LRRC69: variants seen among roughly 807,000 people sequenced by gnomAD.
The protein encoded by LRRC69 is leucine-rich repeat-containing protein 69.
LRRC69 carries 42 observed loss-of-function variants against 37.8 expected under a neutral mutation model. That is an observed-to-expected ratio of 1.11 (90% CI 0.87 to 1.44). The LOEUF is 1.44. Ranked by LOEUF, LRRC69 falls within the 40% of genes most tolerant of loss-of-function variation. The pLI, the probability that LRRC69 is intolerant of heterozygous loss-of-function variation, is 0.00. For missense variants in LRRC69, 357 were observed against 401.9 expected (o/e 0.89, Z 0.96); for synonymous variants, 141 against 143.1 (o/e 0.99, Z 0.11).
At chr8:91,123,464 A>G (rs1813664282) in intron 1 of LRRC69, among the ~76,000 whole-genome samples, 1 of 152,042 alleles carries the variant, frequency 6.6e-6, no homozygotes, top group Non-Finnish European at 1.5e-5. Flanking sequence ...TAGGATGAGA[A>G]ATTTCATTTT....
chr8:91,187,662 C>G (rs1355292789), intron 5 of LRRC69, among the ~76,000 whole-genome samples: 1 of 152,150 alleles, frequency 6.6e-6, no homozygotes, highest in Non-Finnish European at 1.5e-5. Flanking sequence ...TTCTTCCTGT[C>G]TTCATTCATA....
intron 7 of LRRC69, among the ~76,000 whole-genome samples, chr8:91,208,293 A>T (rs1809841597): frequency 6.6e-6 from 1 of 152,104 alleles, no homozygotes; most frequent in Admixed American, 6.6e-5. Flanking sequence ...GGTGATGTGG[A>T]TTTAAAAATT....
intron 5 of LRRC69, among the ~76,000 whole-genome samples, chr8:91,152,483 C>G (rs1041758342): frequency 1.3e-5 from 2 of 151,592 alleles, no homozygotes; most frequent in Non-Finnish European, 2.9e-5. Context: ...TTCCCTTGGT[C>G]TAAGTGTCTG....
chr8:91,158,720 T>C (rs35917953), intron 5 of LRRC69: 72,732 of 1,075,914 alleles, frequency 0.068, 3,120 homozygotes, highest in Middle Eastern at 0.13. Flanking sequence ...CCACTTACAT[T>C]GTTCTACAAA....
At chr8:91,110,818 A>G (rs1813395573) in intron 1 of LRRC69, among the ~76,000 whole-genome samples, 2 of 152,228 alleles carry the variant, frequency 1.3e-5, no homozygotes, top group South Asian at 2.1e-4. Context: ...TATGCACTAC[A>G]TTGAACTGAA....
chr8:91,200,703 A>G (rs1406410488), exon 7 of LRRC69: 13 of 1,535,096 alleles, frequency 8.5e-6, no homozygotes, highest in African/African-American at 4.2e-5. Context: ...AGTCAGGAGC[A>G]TGATCTCTCA....
At chr8:91,179,091 G>A (rs1809281607) in intron 5 of LRRC69, among the ~76,000 whole-genome samples, 1 of 152,148 alleles carries the variant, frequency 6.6e-6, no homozygotes, top group Admixed American at 6.5e-5. Flanking sequence ...TTGAACCCAG[G>A]TCTAGCTAAC....
chr8:91,188,919 G>C (rs1408261598), intron 5 of LRRC69, among the ~76,000 whole-genome samples: 2 of 151,338 alleles, frequency 1.3e-5, no homozygotes, highest in Non-Finnish European at 2.9e-5. Context: ...TCCACCTCTG[G>C]GTTCAAAGGA....
At chr8:91,209,909 C>A (rs572357541) in intron 7 of LRRC69, among the ~76,000 whole-genome samples, 1 of 152,260 alleles carries the variant, frequency 6.6e-6, no homozygotes, top group African/African-American at 2.4e-5. Flanking sequence ...CTTTCAACAT[C>A]TTTACTGAGT....
intron 5 of LRRC69, among the ~76,000 whole-genome samples, chr8:91,168,489 A>G (rs1809068614): frequency 6.6e-6 from 1 of 151,994 alleles, no homozygotes; most frequent in African/African-American, 2.4e-5. Context: ...TTTTTCCTAT[A>G]AATTGGACAG....
intron 5 of LRRC69, among the ~76,000 whole-genome samples, chr8:91,154,281 G>T (rs118034284): frequency 0.053 from 7,912 of 150,680 alleles, 289 homozygotes; most frequent in Middle Eastern, 0.16. Flanking sequence ...ACAGCTGAAT[G>T]CTACCAGAAG....
intron 3 of LRRC69, among the ~76,000 whole-genome samples, 177 bp downstream of exon 3, chr8:91,127,337 T>G (rs1813734095): frequency 6.6e-6 from 1 of 151,892 alleles, no homozygotes; most frequent in South Asian, 2.1e-4. Context: ...TTAAACACTT[T>G]GGAGAAATGA....
At chr8:91,218,364 G>A (rs1351570301) in intron 7 of LRRC69, among the ~76,000 whole-genome samples, 1 of 152,106 alleles carries the variant, frequency 6.6e-6, no homozygotes, top group African/African-American at 2.4e-5. Flanking sequence ...AAATTATTTT[G>A]AAGTACAAAA....
At chr8:91,138,564 T>G (rs1202326117) in intron 5 of LRRC69, among the ~76,000 whole-genome samples, 3 of 151,670 alleles carry the variant, frequency 2.0e-5, no homozygotes, top group African/African-American at 7.3e-5. Flanking sequence ...TTTTTTTTTT[T>G]GAAATTCACA....
Position 91,198,575 on chromosome 8 carries a change from T to TTG in LRRC69, c.754-2037_754-2036insGT, listed in dbSNP as rs1261354610. ...TGTGTATAATTTAATAACTCAAAAA[T>TTG]TATAAGGAAAATGTAGGACATATAA... On this transcript the variant is annotated intron_variant, in intron 6 of 7. Transcript: ENST00000448384. Among the ~76,000 whole-genome samples the TTG allele has an allele frequency of 4.3e-4, 32 of 74,556 alleles. No individual in the cohort carries two copies. The East Asian group carries it at 9.5e-3, about 22-fold the overall frequency. 48.9% of individuals were successfully genotyped at this position (74,556 alleles called of 152,430 possible).
intron 6 of LRRC69, among the ~76,000 whole-genome samples, chr8:91,192,368 G>A (rs1809513742): frequency 6.6e-6 from 1 of 151,904 alleles, no homozygotes; most frequent in Non-Finnish European, 1.5e-5. Context: ...CTCAGTAATG[G>A]GATGGCTGGG....
intron 6 of LRRC69, 143 bp downstream of exon 6, chr8:91,189,766 A>C: frequency 2.0e-6 from 1 of 489,622 alleles, no homozygotes; most frequent in Non-Finnish European, 3.6e-6. Flanking sequence ...CCTATACATA[A>C]TCTTTTTGAC....
intron 3 of LRRC69, among the ~76,000 whole-genome samples, chr8:91,130,100 GCAAT>G (rs1445739237): frequency 2.6e-5 from 4 of 151,810 alleles, no homozygotes; most frequent in Non-Finnish European, 4.4e-5. Context: ...CCTCTCATAA[GCAAT>G]CAATATTCTG....
At chr8:91,134,031 C>T (rs1813859640) in intron 4 of LRRC69, among the ~76,000 whole-genome samples, 1 of 151,540 alleles carries the variant, frequency 6.6e-6, no homozygotes, top group African/African-American at 2.4e-5. Context: ...TGTACTGGCT[C>T]TCCTTTTTTC....
Sources: allele counts gnomAD v4.1 joint callset (sites outside exome capture counted in the v4.1 genomes callset), GRCh38; gene constraint gnomAD v4.1.1; transcripts MANE v1.5; gene names NCBI Gene and HGNC (gene_info 2026-07-23, HGNC 2026-07-21).